Variants in MGAM observed in about 807,000 individuals in gnomAD.
The protein encoded by MGAM is alpha-1,4-glucosidase.
Under a neutral mutation model 358.8 loss-of-function variants are expected in MGAM, and 253 were observed. The ratio of observed to expected loss-of-function variants is 0.71; its 90% CI spans 0.64 to 0.78. The LOEUF is 0.78. MGAM is among the 30% of genes least tolerant of loss of function. The pLI is 0.00. For missense variants in MGAM, 3,080 were observed against 3,432.6 expected, an observed-to-expected ratio of 0.90 and a Z score of 2.57; for synonymous variants, 1,105 against 1,227.1, an observed-to-expected ratio of 0.90 and a Z score of 2.08.
intron 31 of MGAM, 87 bp downstream of exon 31, chr7:142,058,415 C>G: frequency 6.3e-7 from 1 of 1,578,630 alleles, no homozygotes; most frequent in Non-Finnish European, 8.6e-7. Context: ...TTGTTGGATT[C>G]CATAAAGACA....
At chr7:142,040,592 G>C in intron 20 of MGAM, 130 bp from the exon 21 acceptor site, 1 of 1,222,398 alleles carries the variant, frequency 8.2e-7, no homozygotes, top group Non-Finnish European at 1.1e-6. Flanking sequence ...TCTGTTGTTT[G>C]ATTGCCTGGC....
rs1430758060 is a variant in MGAM at position 142,076,790 on chromosome 7, G to A, written c.5457G>A (p.Gln1819=). 2.6e-6 allele frequency: 4 copies of A among 1,555,180 alleles called. 1 individual carries two copies. The highest frequency in any genetic ancestry group is 3.5e-6 in the Non-Finnish European group (4 of 1,131,742). Residue 1819 remains glutamine (Q), a synonymous_variant, in exon 47 of 71, where the codon CAG becomes CAA. Coordinates refer to ENST00000475668, the MANE Select transcript of MGAM (RefSeq NM_001365693.1). Reference sequence around the variant, plus strand: ...TGAAACACAATGGTGTCCCAAGTCAGACTTCTCCTACAGTCACTTATGATT... The same window carrying A: ...TGAAACACAATGGTGTCCCAAGTCAAACTTCTCCTACAGTCACTTATGATT... ...VTVKHNGVPS[Q]TSPTVTYDSN...
In MGAM at chr7:142,105,887, T is replaced by C; in HGVS notation, c.8258T>C (p.Leu2753Pro). Residue 2753 changes from leucine to proline, a missense_variant, in exon 71 of 71, where the codon CTG becomes CCG. Leu to Pro is a moderately conservative substitution (Grantham distance 98, BLOSUM62 -3). Around this residue, in one of 5 missense-constraint regions of MGAM, gnomAD observed 194 missense variants for 172.8 expected, o/e 1.12. Coordinates refer to ENST00000475668, the MANE Select transcript of MGAM (RefSeq NM_001365693.1). ...NFTSLTWIST[L>P] ...ACTTCATTGACGTGGATAAGCACTCTGTGAATTTTTACAGCAAGATTCTAA... is the reference window on the plus strand; with the variant it reads ...ACTTCATTGACGTGGATAAGCACTCCGTGAATTTTTACAGCAAGATTCTAA... The C allele has an allele frequency of 1.2e-6, 2 of 1,606,234 alleles. No individual in the cohort carries two copies. The highest frequency in any genetic ancestry group is 1.1e-5 in the South Asian group (1 of 90,834).
chr7:142,092,315 T>C (rs80104641), intron 58 of MGAM, among the ~76,000 whole-genome samples: 1,688 of 139,574 alleles, frequency 0.012, 77 homozygotes, highest in African/African-American at 0.043. Flanking sequence ...TTGAGAGAGA[T>C]TTTTTTTTAA....
chr7:142,008,236 A>C (rs1805318567), intron 2 of MGAM, among the ~76,000 whole-genome samples: 1 of 152,192 alleles, frequency 6.6e-6, no homozygotes, highest in African/African-American at 2.4e-5. Context: ...CACCTTCATG[A>C]GCTTCTAGTC....
At chr7:142,025,914 A>G (rs1806922106) in intron 8 of MGAM, among the ~76,000 whole-genome samples, 1 of 152,212 alleles carries the variant, frequency 6.6e-6, no homozygotes. Context: ...GATGGTCCTA[A>G]GGTACTTAAA....
chr7:142,057,081 A>G (rs1811626026), intron 30 of MGAM, 139 bp downstream of exon 30: 5 of 760,578 alleles, frequency 6.6e-6, no homozygotes, highest in South Asian at 4.4e-5. Context: ...ATGAGAAAAA[A>G]TAAATACATT....
At chr7:142,096,167 A>G (rs547947127) in intron 64 of MGAM, among the ~76,000 whole-genome samples, 164 bp from the exon 65 acceptor site, 9 of 152,318 alleles carry the variant, frequency 5.9e-5, no homozygotes, top group African/African-American at 2.2e-4. Flanking sequence ...CCCATGGGGA[A>G]AGCAGAGGCT....
At chr7:142,077,827 A>G (rs1281559939) in intron 47 of MGAM, among the ~76,000 whole-genome samples, 1 of 145,856 alleles carries the variant, frequency 6.9e-6, no homozygotes, top group Non-Finnish European at 1.6e-5. Flanking sequence ...AATATACTAC[A>G]TAAATGCGAG....
Position 142,044,300 on chromosome 7 carries a change from C to T in MGAM, c.2498+3454C>T, listed in dbSNP as rs1302187278. On this transcript the variant is annotated intron_variant, in intron 21 of 70. Coordinates refer to ENST00000475668, the MANE Select transcript of MGAM (RefSeq NM_001365693.1). ...ATACACATACGACATATAATATATACTATATATAATATACACATACGATAT... is the reference window on the plus strand; with the variant it reads ...ATACACATACGACATATAATATATATTATATATAATATACACATACGATAT... Among the ~76,000 whole-genome samples, 3 of 42,588 alleles carry T rather than the reference C, an allele frequency of 7.0e-5. 1 individual carries two copies. The allele number at this position is 42,588 out of a possible 152,430, so 27.9% of individuals were successfully genotyped here. A position where few individuals can be genotyped will look rare whatever the true frequency, so the allele number is the denominator to read the frequency against.
In MGAM at chr7:142,094,361, C is replaced by G. The variant is rs1010015031; in HGVS notation, c.7173-3C>G. 6.6e-7 allele frequency: 1 copy of G among 1,518,150 alleles called. No homozygotes were observed. Among genetic ancestry groups the G allele is most frequent in the Non-Finnish European group, 9.0e-7 (1 of 1,113,966 alleles). 94.0% of individuals were successfully genotyped at this position (1,518,150 alleles called of 1,614,324 possible). Reference sequence around the variant, plus strand: ...AGTTCACCTCCTTTTCCCCTCCAACCAGAGCCGTGCAGGAGGTGACAGGAC... The same window carrying G: ...AGTTCACCTCCTTTTCCCCTCCAACGAGAGCCGTGCAGGAGGTGACAGGAC... On this transcript the variant is annotated splice_polypyrimidine_tract_variant and splice_region_variant and intron_variant, in intron 60 of 70. Coordinates refer to ENST00000475668, the MANE Select transcript of MGAM (RefSeq NM_001365693.1).
intron 57 of MGAM, among the ~76,000 whole-genome samples, chr7:142,090,819 G>A (rs1815313519): frequency 6.8e-6 from 1 of 146,442 alleles, no homozygotes; most frequent in African/African-American, 2.4e-5. Context: ...GCTTCGAAGT[G>A]GTGTGAACCC....
At chr7:142,077,174 G>A (rs1813818654) in intron 47 of MGAM, among the ~76,000 whole-genome samples, 1 of 145,970 alleles carries the variant, frequency 6.9e-6, no homozygotes, top group African/African-American at 2.4e-5. Flanking sequence ...TGTGAATTTT[G>A]TATGACTAGC....
At chr7:142,039,226 C>G (rs1368112169) in intron 19 of MGAM, among the ~76,000 whole-genome samples, 4 of 151,598 alleles carry the variant, frequency 2.6e-5, no homozygotes, top group Admixed American at 1.3e-4. Context: ...CTGCCTCAGC[C>G]TCCTGAGTAG....
chr7:142,008,286 G>A (rs1209627176), intron 2 of MGAM, among the ~76,000 whole-genome samples: 13 of 152,138 alleles, frequency 8.5e-5, no homozygotes, highest in African/African-American at 2.9e-4. Context: ...CTATCTTGTA[G>A]GGGAGGGAGT....
Position 142,092,175 on chromosome 7 carries a change from C to T in MGAM, c.6945+128C>T. On this transcript the variant is annotated intron_variant, in intron 58 of 70. Transcript: ENST00000475668. ...AGGAAGACTTTGGACATATCAGACACTTCCTCCTCTCAGGAGAGGAACAGC... is the reference window on the plus strand; with the variant it reads ...AGGAAGACTTTGGACATATCAGACATTTCCTCCTCTCAGGAGAGGAACAGC... 2 of 1,274,206 alleles carry T rather than the reference C, an allele frequency of 1.6e-6. 1 individual carries two copies. Among genetic ancestry groups the T allele is most frequent in the Non-Finnish European group, 2.1e-6 (2 of 935,802 alleles). 78.9% of individuals were successfully genotyped at this position (1,274,206 alleles called of 1,614,324 possible). A position where few individuals can be genotyped will look rare whatever the true frequency, so the allele number is the denominator to read the frequency against.
chr7:142,060,257 C>A (rs1793308561), intron 33 of MGAM, 54 bp from the exon 34 acceptor site: 7 of 1,591,082 alleles, frequency 4.4e-6, no homozygotes, highest in Non-Finnish European at 6.0e-6. Context: ...TTAGGAAATA[C>A]TATGTAAGGG....
At chr7:142,022,050 T>A (rs868993496) in intron 6 of MGAM, among the ~76,000 whole-genome samples, 9 of 152,298 alleles carry the variant, frequency 5.9e-5, no homozygotes, top group Middle Eastern at 3.4e-3. Context: ...TAGTAGGCTG[T>A]CTGGTCTGGG....
At position 142,058,157 on chromosome 7, in the gene MGAM, G is replaced by C. The variant is rs143793831; in HGVS notation, c.3694-46G>C. ...TTATTACTTGATGTAAAACTTCAAT[G>C]TGGTGCCTCTGTTCTGAAGACTAAT... is the stretch of plus-strand genomic sequence containing the variant. On this transcript the variant is annotated intron_variant, in intron 30 of 70. Coordinates refer to ENST00000475668, the MANE Select transcript of MGAM (RefSeq NM_001365693.1). The C allele has an allele frequency of 6.3e-3, 10,126 of 1,611,802 alleles. 41 individuals carry two copies. The highest frequency in any genetic ancestry group is 7.8e-3 in the Non-Finnish European group (9,214 of 1,178,474).
Sources: gnomAD v4.1 joint callset for allele counts (sites outside exome capture counted in the v4.1 genomes callset) on GRCh38, gnomAD v4.1.1 for gene constraint, gnomAD v4.1.1 regional missense constraint, MANE v1.5 for transcripts, NCBI Gene and HGNC (gene_info 2026-07-23, HGNC 2026-07-21) for gene names.